COL6A3: variants seen among roughly 807,000 people sequenced by gnomAD.
COL6A3 encodes the protein collagen alpha-3(VI) chain.
In COL6A3, 137 loss-of-function variants were observed where a neutral mutation model predicts 274.1. That is an observed-to-expected ratio of 0.50 (90% confidence interval 0.44 to 0.58). The LOEUF (loss-of-function observed/expected upper bound fraction) is 0.58. Ranked by LOEUF, COL6A3 falls within the 20% of genes least tolerant of loss-of-function variation. The pLI is 0.00. For synonymous variants in COL6A3, 1,650 were observed against 1,650.6 expected (o/e 1.00, Z 0.01); for missense variants, 3,950 against 4,124.9 (o/e 0.96, Z 1.16).
At position 237,391,922 on chromosome 2, in the gene COL6A3, T is replaced by C. The variant is rs141262703; in HGVS notation, c.709+2665A>G. Among the ~76,000 whole-genome samples the C allele has an allele frequency of 9.8e-4, 149 of 152,336 alleles. 2 individuals are homozygous for C. The highest frequency in any genetic ancestry group is 3.3e-3 in the African/African-American group (137 of 41,582). ...TCGTAGCGAGGAGTGCAGTTCATTG[T>C]AGATACCCTCTTGTCATTTCCTGGT... On this transcript the variant is annotated intron_variant, in intron 3 of 43. Coordinates refer to ENST00000295550, the MANE Select transcript of COL6A3 (RefSeq NM_004369.4).
At chr2:237,363,148 C>A (rs1257233854) in intron 14 of COL6A3, 105 bp downstream of exon 14, 10 of 1,144,626 alleles carry the variant, frequency 8.7e-6, no homozygotes, top group Admixed American at 5.2e-5. Flanking sequence ...CCAAGGCCCC[C>A]CCCCCACCTC....
chr2:237,389,069 C>T (rs899799809), intron 3 of COL6A3, among the ~76,000 whole-genome samples: 5 of 152,078 alleles, frequency 3.3e-5, no homozygotes. Context: ...CCATGAGCAT[C>T]GAATAAACCC....
At chr2:237,359,117 C>G in intron 19 of COL6A3, 29 bp from the exon 20 acceptor site, 2 of 1,614,020 alleles carry the variant, frequency 1.2e-6, no homozygotes, top group African/African-American at 2.7e-5. Context: ...AAAGGTCACA[C>G]CTGCTGCAAT....
Position 237,363,180 on chromosome 2 carries a change from C to T in COL6A3, c.6063+73G>A, listed in dbSNP as rs920066926. The T allele has an allele frequency of 4.9e-6, 7 of 1,433,436 alleles. No homozygotes were observed. In the African/African-American group the frequency reaches 9.8e-5, roughly 20 times the overall value. 88.8% of individuals were successfully genotyped at this position (1,433,436 alleles called of 1,614,324 possible). A position where few individuals can be genotyped will look rare whatever the true frequency, so the allele number is the denominator to read the frequency against. The stretch of plus-strand genomic sequence containing the variant: ...CCTCCATTCACCTGCTGATAATTAA[C>T]TTCATTCTCTTGAAATGCCAAAAGG... On this transcript the variant is annotated intron_variant, in intron 14 of 43. Coordinates refer to ENST00000295550, the MANE Select transcript of COL6A3 (RefSeq NM_004369.4).
intron 1 of COL6A3, among the ~76,000 whole-genome samples, chr2:237,397,655 C>T (rs1361994169): frequency 6.6e-6 from 1 of 152,190 alleles, no homozygotes; most frequent in Non-Finnish European, 1.5e-5. Context: ...ACTCTCCTCT[C>T]TGGACATTCT....
rs2076977303 is a variant in COL6A3 at position 237,341,042 on chromosome 2, T to C, written c.7874A>G (p.Asp2625Gly). The C allele has an allele frequency of 1.9e-6, 3 of 1,614,028 alleles. No homozygotes were observed. Among genetic ancestry groups the C allele is most frequent in the Non-Finnish European group, 1.7e-6 (2 of 1,180,018 alleles). The change falls in exon 38 of 44, where the codon GAC becomes GGC. Residue 2625 changes from aspartate (D) to glycine (G), a missense_variant. Asp to Gly is a moderately conservative substitution (Grantham distance 94). Transcript: ENST00000295550. Reference sequence around the variant, plus strand: ...GAACAGGGTGGTGGTCTCAGCGCTGTCTAAGATGAAAGCCATGTCGATGTC... The same window carrying C: ...GAACAGGGTGGTGGTCTCAGCGCTGCCTAAGATGAAAGCCATGTCGATGTC... ...DVDIDMAFIL[D>G]SAETTTLFQF...
chr2:237,382,955 T>TTTTTG (rs968171157), intron 4 of COL6A3, among the ~76,000 whole-genome samples: 8 of 151,984 alleles, frequency 5.3e-5, no homozygotes, highest in South Asian at 2.1e-4. Context: ...GCCCGGCTAA[T>TTTTTG]TTTTGTTTTG....
rs878941600 is a variant in COL6A3, at chr2:237,344,226, G to A, written c.7668+124C>T. 214 of 1,434,308 alleles carry A rather than the reference G, an allele frequency of 1.5e-4. 1 individual carries two copies. The South Asian group carries it at 1.9e-3, about 13-fold the overall frequency. The allele number at this position is 1,434,308 out of a possible 1,614,324, so 88.8% of individuals were successfully genotyped here. On this transcript the variant is annotated intron_variant, in intron 36 of 43. Transcript: ENST00000295550. This position sits in a 1 kb window ranked among gnomAD's most constrained non-coding sequence, Gnocchi z 4.8. ...CACAAGAGAAGTTCTCAGGCAGATGGCCTCATTGGGGACGTTTTAGGAGCT... is the reference window on the plus strand; with the variant it reads ...CACAAGAGAAGTTCTCAGGCAGATGACCTCATTGGGGACGTTTTAGGAGCT...
chr2:237,376,159 C>A (rs188515403), intron 7 of COL6A3, among the ~76,000 whole-genome samples: 6 of 152,288 alleles, frequency 3.9e-5, no homozygotes, highest in African/African-American at 1.4e-4. Flanking sequence ...GCCCAGTAAT[C>A]AAAGGAGAGG....
chr2:237,382,109 A>C (rs1424777055), intron 4 of COL6A3, among the ~76,000 whole-genome samples: 1 of 152,238 alleles, frequency 6.6e-6, no homozygotes, highest in African/African-American at 2.4e-5. Context: ...TTGGCCAGGC[A>C]CAGTGGCTCA....
rs779667683 is a variant in COL6A3, at chr2:237,342,121, G to T, written c.7709C>A (p.Ala2570Glu). 1 of 1,614,208 alleles carries T rather than the reference G, an allele frequency of 6.2e-7. No homozygotes were observed. The highest frequency in any genetic ancestry group is 1.1e-5 in the South Asian group (1 of 91,078). Residue 2570 changes from alanine (A) to glutamate (E), a missense_variant, in exon 37 of 44, where the codon GCA (alanine) becomes GAA (glutamate). Ala to Glu is a moderately radical substitution (Grantham distance 107). This residue lies in a region of COL6A3 where 1,284 missense variants were observed against 1,349.7 expected (regional missense o/e 0.95). Coordinates refer to ENST00000295550, the MANE Select transcript of COL6A3 (RefSeq NM_004369.4). ...TAVGHALVLPAGRDLTDFLEN... is the reference protein window; with the variant it reads ...TAVGHALVLPEGRDLTDFLEN... ...CAGGAAGTCTGTGAGGTCTCTCCCTGCAGGCAGGACAAGCGCATGCCCCAC... is the reference window on the plus strand; with the variant it reads ...CAGGAAGTCTGTGAGGTCTCTCCCTTCAGGCAGGACAAGCGCATGCCCCAC...
At chr2:237,377,724 T>C (rs1419987223) in intron 6 of COL6A3, among the ~76,000 whole-genome samples, 1 of 150,352 alleles carries the variant, frequency 6.7e-6, no homozygotes, top group East Asian at 2.0e-4. Flanking sequence ...TACCTTTGCT[T>C]AAAAAAATTG....
chr2:237,359,945 C>T lies in COL6A3; in HGVS notation c.6282+143G>A, dbSNP rs150577376. ...GCTCCTGAACCCACCCTGCTCAGAA[C>T]TGCCTTCCAATGAGAGGTCACGGGC... On this transcript the variant is annotated intron_variant, in intron 17 of 43. Transcript: ENST00000295550. 9.3e-4 allele frequency: 765 copies of T among 821,182 alleles called. 9 individuals are homozygous for T. In the African/African-American group the frequency reaches 0.011, roughly 12 times the overall value. The allele number at this position is 821,182 out of a possible 1,614,324, so 50.9% of individuals were successfully genotyped here.
rs373915980 is a variant in COL6A3, at chr2:237,374,820, C to T, written c.3271G>A (p.Val1091Ile). ...YLNSYMNKQD[V>I]VNAVRQLTLL... ...GTCAGCTGGCGGACAGCGTTGACGA[C>T]GTCCTGCTTGTTCATGTATGAATTC... Residue 1091 changes from valine to isoleucine, a missense_variant, in exon 8 of 44, where the codon GTC becomes ATC. By Grantham distance (29) the Val-to-Ile change is conservative. Coordinates refer to ENST00000295550, the MANE Select transcript of COL6A3 (RefSeq NM_004369.4). This position sits in a 1 kb window ranked among gnomAD's most constrained non-coding sequence, Gnocchi z 4.8. The T allele has an allele frequency of 2.9e-5, 47 of 1,613,940 alleles. No individual in the cohort carries two copies. In the Middle Eastern group the frequency reaches 4.9e-4, roughly 17 times the overall value.
intron 26 of COL6A3, among the ~76,000 whole-genome samples, chr2:237,351,589 T>C (rs1032257585): frequency 6.6e-6 from 1 of 152,192 alleles, no homozygotes; most frequent in Non-Finnish European, 1.5e-5. Flanking sequence ...GTTAGGTGAA[T>C]GAATAAACTG....
intron 5 of COL6A3, among the ~76,000 whole-genome samples, chr2:237,379,636 C>A (rs940324716): frequency 1.3e-5 from 2 of 152,184 alleles, no homozygotes; most frequent in Admixed American, 6.5e-5. Flanking sequence ...TGGGGCTCAC[C>A]TCTACCCACA....
Position 237,335,039 on chromosome 2 carries a change from C to T in COL6A3, c.8966-150G>A. On this transcript the variant is annotated intron_variant, in intron 40 of 43. Transcript: ENST00000295550. ...GGGGAACTAATTTCTTGTTCAAGCC[C>T]CTAAAAAACATTGCTCTTATAATCT... 3.6e-6 allele frequency: 3 copies of T among 830,938 alleles called. No homozygotes were observed. In the South Asian group the frequency reaches 4.6e-5, roughly 13 times the overall value. 51.5% of individuals were successfully genotyped at this position (830,938 alleles called of 1,614,324 possible).
chr2:237,398,840 C>T (rs757454842), intron 1 of COL6A3, among the ~76,000 whole-genome samples: 8 of 152,156 alleles, frequency 5.3e-5, no homozygotes, highest in Non-Finnish European at 2.9e-5. Context: ...GGGAACAAGG[C>T]CATTGGCGAC....
chr2:237,336,223 A>T lies in COL6A3; in HGVS notation c.8877T>A (p.Ala2959=). ...PAAVRPPAAA[A]AKPVATKPEV... is the part of the protein sequence containing the mutation. Reference sequence around the variant, plus strand: ...CAGGCTTGGTCGCCACTGGTTTTGCAGCAGCAGCAGCGGGGGGTCTTACAG... The same window carrying T: ...CAGGCTTGGTCGCCACTGGTTTTGCTGCAGCAGCAGCGGGGGGTCTTACAG... The change falls in exon 40 of 44, where the codon GCT becomes GCA. Residue 2959 remains alanine (A), a synonymous_variant. Transcript: ENST00000295550. 7.8e-7 allele frequency: 1 copy of T among 1,285,830 alleles called. No individual in the cohort carries two copies. Among genetic ancestry groups the T allele is most frequent in the African/African-American group, 1.4e-5 (1 of 72,082 alleles). 79.7% of individuals were successfully genotyped at this position (1,285,830 alleles called of 1,614,324 possible).
Sources: allele counts gnomAD v4.1 joint callset (sites outside exome capture counted in the v4.1 genomes callset), GRCh38; gene constraint gnomAD v4.1.1; regional missense constraint gnomAD v4.1.1; non-coding constraint Gnocchi (gnomAD v3.1); transcripts MANE v1.5; gene names NCBI Gene and HGNC (gene_info 2026-07-23, HGNC 2026-07-21).